Variants in BCL9 observed in about 807,000 individuals in gnomAD.
The protein encoded by BCL9 is B-cell CLL/lymphoma 9 protein.
Under a neutral mutation model 88.5 loss-of-function variants are expected in BCL9, and 25 were observed. The observed-to-expected ratio is 0.28, with a 90% CI of 0.21 to 0.39. The LOEUF (loss-of-function observed/expected upper bound fraction) is 0.39. Ranked by LOEUF, BCL9 falls within the 10% of genes least tolerant of loss-of-function variation. The probability of loss-of-function intolerance (pLI) is 1.00; values close to 1 mark genes in which losing one functional copy is unlikely to be tolerated. For synonymous variants in BCL9, 711 were observed against 673.3 expected, an observed-to-expected ratio of 1.06 and a Z score of -0.87; for missense variants, 1,817 against 1,877.8, an observed-to-expected ratio of 0.97 and a Z score of 0.60.
At chr1:147,608,976 G>A (rs1553202306) in intron 3 of BCL9, among the ~76,000 whole-genome samples, 4 of 152,222 alleles carry the variant, frequency 2.6e-5, no homozygotes, top group Non-Finnish European at 5.9e-5. Flanking sequence ...CTCTAAAATA[G>A]AAATAGTGGT....
In BCL9 at chr1:147,624,527, A is replaced by G. The variant is rs1553206146; in HGVS notation, c.3849A>G (p.Arg1283=). Residue 1283 remains arginine (R), a synonymous_variant, in exon 10 of 10, where the codon AGA becomes AGG. Transcript: ENST00000234739. The surrounding 1 kb of genome is among the most constrained non-coding windows in gnomAD (Gnocchi z 4.4). ...GGATGATGGGCGAACAAGCCCCCAG[A>G]ATGGGACTAGCATTACCTGGCATGG... is the stretch of plus-strand genomic sequence containing the variant. ...MQGMMGEQAP[R]MGLALPGMGG... 8.1e-6 allele frequency: 13 copies of G among 1,613,996 alleles called. No individual in the cohort carries two copies. Among genetic ancestry groups the G allele is most frequent in the Middle Eastern group, 1.6e-4 (1 of 6,084 alleles).
intron 1 of BCL9, among the ~76,000 whole-genome samples, chr1:147,572,100 GA>G (rs1444940458): frequency 1.3e-5 from 2 of 150,434 alleles, no homozygotes; most frequent in African/African-American, 4.9e-5. Flanking sequence ...AAATTAGCTG[GA>G]CGTGGTGGCG....
chr1:147,580,818 A>G (rs1224441696), intron 1 of BCL9, among the ~76,000 whole-genome samples: 1 of 152,204 alleles, frequency 6.6e-6, no homozygotes, highest in Non-Finnish European at 1.5e-5. Context: ...AATAGCCACC[A>G]TAATTGAGGA....
intron 7 of BCL9, among the ~76,000 whole-genome samples, chr1:147,618,280 A>C (rs1448237608): frequency 6.6e-6 from 1 of 152,110 alleles, no homozygotes; most frequent in African/African-American, 2.4e-5. Flanking sequence ...GCCAGAGGAG[A>C]CGTTGAAATG....
At chr1:147,570,639 CTTT>C (rs1292644240) in intron 1 of BCL9, among the ~76,000 whole-genome samples, 1 of 128,132 alleles carries the variant, frequency 7.8e-6, no homozygotes. Context: ...TCTTTTTTTT[CTTT>C]TTTTTTTTTG....
At chr1:147,615,007 T>G (rs1279859976) in intron 6 of BCL9, among the ~76,000 whole-genome samples, 4 of 151,878 alleles carry the variant, frequency 2.6e-5, no homozygotes, top group Admixed American at 1.3e-4. Flanking sequence ...CCCAGCTAAT[T>G]TTTTGTATTT....
chr1:147,562,398 A>C (rs1655420039), intron 1 of BCL9, among the ~76,000 whole-genome samples: 1 of 152,144 alleles, frequency 6.6e-6, no homozygotes, highest in African/African-American at 2.4e-5. Context: ...GAGAATTACA[A>C]TTTCATTTCT....
At chr1:147,553,279 GT>G (rs1553195038) in intron 1 of BCL9, among the ~76,000 whole-genome samples, 1 of 152,058 alleles carries the variant, frequency 6.6e-6, no homozygotes, top group African/African-American at 2.4e-5. Context: ...TTCTGTTTTG[GT>G]TTGGTTCTTT....
Position 147,625,081 on chromosome 1 carries a change from G to A in BCL9, c.*122G>A. On this transcript the variant is annotated 3_prime_UTR_variant, in exon 10 of 10. Transcript: ENST00000234739. ...GCAATAGGAGAACAGAGACCCGAGG[G>A]CTGCTTTGGGGGAGGGGGGAACTCG... The A allele has an allele frequency of 8.0e-7, 1 of 1,253,732 alleles. No individual in the cohort carries two copies. Among genetic ancestry groups the A allele is most frequent in the Non-Finnish European group, 1.1e-6 (1 of 936,856 alleles). The allele number at this position is 1,253,732 out of a possible 1,614,324, so 77.7% of individuals were successfully genotyped here.
chr1:147,560,375 A>G (rs1297300420), intron 1 of BCL9, among the ~76,000 whole-genome samples: 1 of 151,910 alleles, frequency 6.6e-6, no homozygotes, highest in Non-Finnish European at 1.5e-5. Context: ...GGATCACCTG[A>G]GGTCAGGAGT....
intron 1 of BCL9, among the ~76,000 whole-genome samples, chr1:147,544,477 T>C (rs1654465258): frequency 6.6e-6 from 1 of 152,180 alleles, no homozygotes; most frequent in Non-Finnish European, 1.5e-5. Context: ...GCTAATCCCC[T>C]ACACTTGTGC....
intron 1 of BCL9, among the ~76,000 whole-genome samples, chr1:147,562,908 A>G (rs1553196282): frequency 2.6e-5 from 4 of 152,200 alleles, no homozygotes; most frequent in Non-Finnish European, 2.9e-5. Flanking sequence ...TGGAAGCCCT[A>G]CAGGATCTGG....
At position 147,624,428 on chromosome 1, in the gene BCL9, A is replaced by G. The variant is rs144479279; in HGVS notation, c.3750A>G (p.Gln1250=). The G allele has an allele frequency of 8.7e-5, 141 of 1,614,210 alleles. No individual in the cohort carries two copies. In the African/African-American group the frequency reaches 1.7e-3, roughly 19 times the overall value. ...IPSEKPSQTL[Q]YFPRGEVPGR... ...CTGAGAAGCCCAGCCAGACGCTGCA[A>G]TATTTCCCTCGAGGGGAAGTTCCAG... Residue 1250 remains glutamine, a synonymous_variant, in exon 10 of 10, where the codon CAA becomes CAG. Transcript: ENST00000234739. The surrounding 1 kb of genome is among the most constrained non-coding windows in gnomAD (Gnocchi z 4.4).
At chr1:147,599,234 G>T (rs782278937) in intron 1 of BCL9, among the ~76,000 whole-genome samples, 8 of 152,344 alleles carry the variant, frequency 5.3e-5, no homozygotes, top group Non-Finnish European at 1.0e-4. Context: ...CGCAGTCCTG[G>T]GTGGGGGCTG....
chr1:147,556,504 T>C, intron 1 of BCL9, among the ~76,000 whole-genome samples: 1 of 152,048 alleles, frequency 6.6e-6, no homozygotes, highest in East Asian at 1.9e-4. Flanking sequence ...CAGGCTGGAA[T>C]GCAGTGGCAC....
chr1:147,569,526 C>G (rs117564685), intron 1 of BCL9, among the ~76,000 whole-genome samples: 1 of 150,926 alleles, frequency 6.6e-6, no homozygotes. Context: ...GGCATGTGCC[C>G]GTAATCCTAA....
At position 147,619,763 on chromosome 1, in the gene BCL9, T is replaced by C; in HGVS notation, c.1608T>C (p.Asp536=). The C allele has an allele frequency of 6.2e-7, 1 of 1,614,018 alleles. No individual in the cohort carries two copies. Among genetic ancestry groups the C allele is most frequent in the African/African-American group, 1.3e-5 (1 of 75,010 alleles). Residue 536 remains aspartate (D), a synonymous_variant, in exon 8 of 10, where the codon GAT becomes GAC. Coordinates refer to ENST00000234739, the MANE Select transcript of BCL9 (RefSeq NM_004326.4). The surrounding 1 kb of genome is among the most constrained non-coding windows in gnomAD (Gnocchi z 4.1). ...WAPGGTEPFS[D]GINMPHSLPP... ...CTGGGGGTACAGAGCCATTTTCTGA[T>C]GGTATCAACATGCCACATTCTCTGC...
intron 1 of BCL9, among the ~76,000 whole-genome samples, chr1:147,545,550 G>T (rs1217613330): frequency 2.0e-5 from 3 of 152,162 alleles, no homozygotes; most frequent in Non-Finnish European, 4.4e-5. Flanking sequence ...ACTGAAGACT[G>T]TTATGACATT....
At chr1:147,615,623 A>G (rs944645189) in intron 6 of BCL9, among the ~76,000 whole-genome samples, 180 bp from the exon 7 acceptor site, 24 of 152,338 alleles carry the variant, frequency 1.6e-4, no homozygotes, top group African/African-American at 5.5e-4. Flanking sequence ...AAGTTTGATG[A>G]TAAGTGGTAA....
Sources: gnomAD v4.1 joint callset for allele counts (sites outside exome capture counted in the v4.1 genomes callset) on GRCh38, gnomAD v4.1.1 for gene constraint, Gnocchi (gnomAD v3.1) non-coding constraint, MANE v1.5 for transcripts, NCBI Gene and HGNC (gene_info 2026-07-23, HGNC 2026-07-21) for gene names.